FBXO42: variants seen among roughly 807,000 people sequenced by gnomAD.
The protein encoded by FBXO42 is F-box only protein 42.
In FBXO42, 12 loss-of-function variants were observed where a neutral mutation model predicts 71.7. The observed-to-expected ratio is 0.17, with a 90% CI of 0.11 to 0.27. FBXO42 has a LOEUF of 0.27. Ranked by LOEUF, FBXO42 falls within the 10% of genes least tolerant of loss-of-function variation. The pLI, the probability that FBXO42 is intolerant of heterozygous loss-of-function variation, is 1.00. For missense variants in FBXO42, 707 were observed against 911.9 expected (o/e 0.78, Z 2.89); for synonymous variants, 325 against 327.5 (o/e 0.99, Z 0.08).
intron 6 of FBXO42, among the ~76,000 whole-genome samples, chr1:16,254,296 A>G (rs74564082): frequency 0.031 from 4,659 of 152,332 alleles, 218 homozygotes; most frequent in African/African-American, 0.11. Flanking sequence ...GACACTGGTT[A>G]AGCTACAGTT....
At chr1:16,271,262 TGTGTGTGTG>T in intron 4 of FBXO42, among the ~76,000 whole-genome samples, 1 of 60,808 alleles carries the variant, frequency 1.6e-5, no homozygotes, top group African/African-American at 7.8e-5. Context: ...TGTGTTGGTG[TGTGTGTGTG>T]TGTGTGTGTG....
intron 2 of FBXO42, among the ~76,000 whole-genome samples, chr1:16,310,830 G>A (rs962496862): frequency 1.6e-4 from 24 of 151,694 alleles, no homozygotes; most frequent in African/African-American, 5.8e-4. Flanking sequence ...TTCAAGACCA[G>A]CCTGGCCAAC....
chr1:16,334,209 A>G (rs940131380), intron 1 of FBXO42, among the ~76,000 whole-genome samples: 2 of 152,032 alleles, frequency 1.3e-5, no homozygotes, highest in African/African-American at 4.8e-5. Context: ...CAAGGCGGGC[A>G]GATCATGAGG....
intron 4 of FBXO42, among the ~76,000 whole-genome samples, chr1:16,281,398 C>A (rs1298819265): frequency 6.6e-6 from 1 of 152,120 alleles, no homozygotes; most frequent in Non-Finnish European, 1.5e-5. Context: ...CCACGTACAT[C>A]TCCTGGGACA....
intron 1 of FBXO42, among the ~76,000 whole-genome samples, chr1:16,346,060 G>A (rs2082652257): frequency 6.6e-6 from 1 of 152,100 alleles, no homozygotes; most frequent in Non-Finnish European, 1.5e-5. Context: ...CTAATGGTGA[G>A]AACGAAGTGT....
chr1:16,351,563 G>A (rs548458949), intron 1 of FBXO42, among the ~76,000 whole-genome samples: 1 of 152,144 alleles, frequency 6.6e-6, no homozygotes, highest in Middle Eastern at 3.4e-3. Context: ...CGAACTCAGC[G>A]CTGAAGTTAC....
At position 16,283,508 on chromosome 1, in the gene FBXO42, T is replaced by TTTTTTTTTTTG. The variant is rs1225702478; in HGVS notation, c.502+11274_502+11275insCAAAAAAAAAA. Among the ~76,000 whole-genome samples the TTTTTTTTTTTG allele has an allele frequency of 6.2e-4, 87 of 141,158 alleles. 1 individual carries two copies. The highest frequency in any genetic ancestry group is 4.3e-4 in the Non-Finnish European group (28 of 65,116). 92.6% of individuals were successfully genotyped at this position (141,158 alleles called of 152,430 possible). ...AACTGTGGCAAGTTTTTTTTTTTTTTTTTTTTTTTGAGACAGTCTCGCTCT... is the reference window on the plus strand; with the variant it reads ...AACTGTGGCAAGTTTTTTTTTTTTTTTTTTTTTTTTGTTTTTTTTTGAGACAGTCTCGCTCT... On this transcript the variant is annotated intron_variant, in intron 4 of 9. Transcript: ENST00000375592.
intron 1 of FBXO42, among the ~76,000 whole-genome samples, chr1:16,345,775 G>T (rs913413832): frequency 4.6e-5 from 7 of 151,300 alleles, no homozygotes; most frequent in Non-Finnish European, 8.8e-5. Flanking sequence ...ATGAACCGGG[G>T]AGGCAGAGCT....
chr1:16,339,262 T>C (rs1295589932), intron 1 of FBXO42, among the ~76,000 whole-genome samples: 4 of 152,196 alleles, frequency 2.6e-5, no homozygotes, highest in African/African-American at 4.8e-5. Flanking sequence ...GAAGTCCATC[T>C]ATACCATTAC....
chr1:16,297,235 C>T (rs933956903), intron 3 of FBXO42, among the ~76,000 whole-genome samples: 4 of 152,026 alleles, frequency 2.6e-5, no homozygotes, highest in Non-Finnish European at 5.9e-5. Context: ...AGAGCCAATG[C>T]GCCCAGCCCC....
At chr1:16,284,099 C>CA (rs2081995939) in intron 4 of FBXO42, among the ~76,000 whole-genome samples, 2 of 152,246 alleles carry the variant, frequency 1.3e-5, no homozygotes, top group South Asian at 4.1e-4. Flanking sequence ...GGGAATTGAA[C>CA]AAAGGCTAAG....
chr1:16,253,104 G>T lies in FBXO42; in HGVS notation c.913C>A (p.Pro305Thr). 2 of 1,613,580 alleles carry T rather than the reference G, an allele frequency of 1.2e-6. No individual in the cohort carries two copies. The highest frequency in any genetic ancestry group is 1.7e-6 in the Non-Finnish European group (2 of 1,179,836). The part of the protein sequence containing the change: ...TILILGGCGG[P>T]NALFKDAWLL... ...ACAGAAGCAATACTCACAGCATTGG[G>T]ACCGCCACACCCTCCGAGGATTAAG... Residue 305 changes from proline to threonine, a missense_variant, in exon 8 of 10, where the codon CCC becomes ACC. Physicochemically the swap from Pro to Thr is conservative, Grantham distance 38. Around this residue, in one of 5 missense-constraint regions of FBXO42, gnomAD observed 482 missense variants for 587.1 expected, o/e 0.82. Transcript: ENST00000375592.
intron 4 of FBXO42, among the ~76,000 whole-genome samples, chr1:16,272,534 C>T (rs1256741651): frequency 6.6e-6 from 1 of 152,152 alleles, no homozygotes; most frequent in Admixed American, 6.5e-5. Flanking sequence ...GCTGGGATTA[C>T]AGGCGTGAGC....
chr1:16,272,030 C>T (rs1159881006), intron 4 of FBXO42, among the ~76,000 whole-genome samples: 1 of 149,234 alleles, frequency 6.7e-6, no homozygotes, highest in Non-Finnish European at 1.5e-5. Context: ...TGGTGCATGC[C>T]CATAGTCCCA....
rs1557564681 is a variant in FBXO42, at chr1:16,248,804, T to A, written c.*1866A>T. On this transcript the variant is annotated 3_prime_UTR_variant, in exon 10 of 10. Transcript: ENST00000375592. The stretch of plus-strand genomic sequence containing the variant: ...TGGATGCCACATAAGTAGACACATG[T>A]TGTTTCCTCATTGAAGGGAACACAA... The A allele has an allele frequency of 6.6e-6, 1 of 152,266 alleles. No individual in the cohort carries two copies. The highest frequency in any genetic ancestry group is 1.5e-5 in the Non-Finnish European group (1 of 68,048). The allele number at this position is 152,266 out of a possible 1,614,324, so 9.4% of individuals were successfully genotyped here. A position where few individuals can be genotyped will look rare whatever the true frequency, so the allele number is the denominator to read the frequency against.
chr1:16,329,755 C>G (rs2082481097), intron 1 of FBXO42, among the ~76,000 whole-genome samples: 4 of 151,984 alleles, frequency 2.6e-5, no homozygotes, highest in Admixed American at 2.6e-4. Context: ...TGAGACCAGC[C>G]TGGCCAACAT....
chr1:16,340,200 A>C (rs1413652234), intron 1 of FBXO42, among the ~76,000 whole-genome samples: 1 of 152,164 alleles, frequency 6.6e-6, no homozygotes, highest in Non-Finnish European at 1.5e-5. Context: ...TAAATTAAAA[A>C]AATTAAAAAT....
At chr1:16,277,672 C>T (rs1460099086) in intron 4 of FBXO42, among the ~76,000 whole-genome samples, 1 of 150,868 alleles carries the variant, frequency 6.6e-6, no homozygotes. Context: ...TTGCAATGAG[C>T]CGAAATTCGC....
rs2081567695 is a variant in FBXO42, at chr1:16,249,395, A to C, written c.*1275T>G. The C allele has an allele frequency of 6.6e-6, 1 of 152,232 alleles. No individual in the cohort carries two copies. 9.4% of individuals were successfully genotyped at this position (152,232 alleles called of 1,614,324 possible). On this transcript the variant is annotated 3_prime_UTR_variant, in exon 10 of 10. Coordinates refer to ENST00000375592, the MANE Select transcript of FBXO42 (RefSeq NM_018994.3). ...TGTTTCTGAGGTCAGCCATGCGTCA[A>C]GAAGTCAAGTACATGATTCTCAACT...
Sources: gnomAD v4.1 joint callset for allele counts (sites outside exome capture counted in the v4.1 genomes callset) on GRCh38, gnomAD v4.1.1 for gene constraint, gnomAD v4.1.1 regional missense constraint, MANE v1.5 for transcripts, NCBI Gene and HGNC (gene_info 2026-07-23, HGNC 2026-07-21) for gene names.